The following ITGB6 variants were observed in gnomAD, a reference collection of about 807,000 sequenced individuals.
The protein encoded by ITGB6 is integrin subunit beta 6.
ITGB6 carries 80 observed loss-of-function variants against 84.5 expected under a neutral mutation model. The ratio of observed to expected loss-of-function variants is 0.95; its 90% CI spans 0.79 to 1.14. The LOEUF (loss-of-function observed/expected upper bound fraction) is 1.14. Ranked by LOEUF, ITGB6 falls within the 50% of genes most tolerant of loss-of-function variation. ITGB6 has a pLI of 0.00. For synonymous variants in ITGB6, 383 were observed against 354.9 expected, an observed-to-expected ratio of 1.08 and a Z score of -0.89; for missense variants, 1,006 against 968.0, an observed-to-expected ratio of 1.04 and a Z score of -0.52.
rs745899695 is a variant in ITGB6, at chr2:160,101,739, G to A, written c.2364C>T (p.Cys788=). 30 of 1,517,160 alleles carry A rather than the reference G, an allele frequency of 2.0e-5. No homozygotes were observed. The South Asian group carries it at 3.4e-4, about 17-fold the overall frequency. The allele number at this position is 1,517,160 out of a possible 1,614,324, so 94.0% of individuals were successfully genotyped here. Residue 788 remains cysteine, a synonymous_variant, in exon 15 of 15, where the codon TGC becomes TGT. Transcript: ENST00000283249. ...EKQKVDLSTD[C] ...TTTTTTCATGCATAAAGTAGTTCTA[G>A]CAATCTGTGGAAAGGTCTACCTTTT...
In ITGB6 at chr2:160,101,839, A is replaced by C. The variant is rs768739316; in HGVS notation, c.2269-5T>G. 1 of 736 alleles carries C rather than the reference A, an allele frequency of 1.4e-3. No homozygotes were observed. The highest frequency in any genetic ancestry group is 2.4e-3 in the Non-Finnish European group (1 of 424). The allele number at this position is 736 out of a possible 1,614,324, so 0.0% of individuals were successfully genotyped here. A position where few individuals can be genotyped will look rare whatever the true frequency, so the allele number is the denominator to read the frequency against. On this transcript the variant is annotated splice_polypyrimidine_tract_variant and splice_region_variant and intron_variant, in intron 14 of 14. Transcript: ENST00000283249. Reference sequence around the variant, plus strand: ...TCTGTAGAGTGGATTGGTTCCCTGGAAAAAAAAAAAAGATTCAAGTGAAAG... The same window carrying C: ...TCTGTAGAGTGGATTGGTTCCCTGGCAAAAAAAAAAAGATTCAAGTGAAAG...
intron 13 of ITGB6, 116 bp from the exon 14 acceptor site, chr2:160,107,961 C>T: frequency 1.2e-6 from 1 of 840,648 alleles, no homozygotes; most frequent in Non-Finnish European, 1.8e-6. Context: ...AATATTGACA[C>T]CATTTTCGCC....
chr2:160,200,144 A>G lies in ITGB6; in HGVS notation c.-81T>C. ...CAAGACCAACGCTGAATATCGTTAA[A>G]GTCTTTCTTTCTTGAAGTATAACAT... On this transcript the variant is annotated 5_prime_UTR_variant, in exon 1 of 15. Coordinates refer to ENST00000283249, the MANE Select transcript of ITGB6 (RefSeq NM_000888.5). 1 of 1,091,286 alleles carries G rather than the reference A, an allele frequency of 9.2e-7. No homozygotes were observed. The highest frequency in any genetic ancestry group is 1.9e-5 in the Admixed American group (1 of 53,382). The allele number at this position is 1,091,286 out of a possible 1,614,324, so 67.6% of individuals were successfully genotyped here.
chr2:160,132,082 A>G lies in ITGB6; in HGVS notation c.1660+5352T>C, dbSNP rs540016768. On this transcript the variant is annotated intron_variant, in intron 10 of 14. Transcript: ENST00000283249. ...GTAATTTCAAGTGTTTTGAACATGT[A>G]TTTTATTACAAGATTCCTATTAGAC... is the stretch of plus-strand genomic sequence containing the variant. Among the ~76,000 whole-genome samples, 162 of 152,214 alleles carry G rather than the reference A, an allele frequency of 1.1e-3. 1 individual carries two copies. Among genetic ancestry groups the G allele is most frequent in the African/African-American group, 3.7e-3 (153 of 41,550 alleles).
At chr2:160,134,703 C>T (rs926464827) in intron 10 of ITGB6, among the ~76,000 whole-genome samples, 2 of 152,190 alleles carry the variant, frequency 1.3e-5, no homozygotes, top group Non-Finnish European at 2.9e-5. Flanking sequence ...AAAGCTTACC[C>T]ACCATGATCA....
At chr2:160,144,302 A>G (rs1285220623) in intron 7 of ITGB6, among the ~76,000 whole-genome samples, 1 of 152,190 alleles carries the variant, frequency 6.6e-6, no homozygotes, top group East Asian at 1.9e-4. Flanking sequence ...TCCTTACCTT[A>G]CTTTGTGTCC....
At chr2:160,135,386 G>C (rs1683663666) in intron 10 of ITGB6, among the ~76,000 whole-genome samples, 1 of 150,208 alleles carries the variant, frequency 6.7e-6, no homozygotes, top group Non-Finnish European at 1.5e-5. Context: ...ACAAACCACT[G>C]CTCAATGAAA....
chr2:160,164,240 A>G (rs1315766546), intron 7 of ITGB6, among the ~76,000 whole-genome samples: 2 of 152,212 alleles, frequency 1.3e-5, no homozygotes, highest in Non-Finnish European at 2.9e-5. Flanking sequence ...TATAGTCACA[A>G]ACTTTGGCAT....
In ITGB6 at chr2:160,107,714, A is replaced by G. The variant is rs2105773862; in HGVS notation, c.2233T>C (p.Phe745Leu). ...SFHDRKEVAKFEAERSKAKWQ... is the reference protein window; with the variant it reads ...SFHDRKEVAKLEAERSKAKWQ... ...TTGGCTTTTGATCGTTCTGCTTCAA[A>G]TTTGGCAACTTCTTTACGATCATGA... Residue 745 changes from phenylalanine to leucine, a missense_variant, in exon 14 of 15, where the codon TTT becomes CTT. Coordinates refer to ENST00000283249, the MANE Select transcript of ITGB6 (RefSeq NM_000888.5). 6.2e-7 allele frequency: 1 copy of G among 1,614,086 alleles called. No individual in the cohort carries two copies. The highest frequency in any genetic ancestry group is 1.3e-5 in the African/African-American group (1 of 75,056).
intron 4 of ITGB6, among the ~76,000 whole-genome samples, chr2:160,191,591 C>T (rs1228151522): frequency 6.6e-6 from 1 of 152,206 alleles, no homozygotes; most frequent in Non-Finnish European, 1.5e-5. Context: ...CTGATCCTTT[C>T]TCCCTAAGAT....
chr2:160,182,908 G>A lies in ITGB6; in HGVS notation c.594-8769C>T, dbSNP rs144774041. Among the ~76,000 whole-genome samples, 472 of 152,232 alleles carry A rather than the reference G, an allele frequency of 3.1e-3. 3 individuals are homozygous for A. Among genetic ancestry groups the A allele is most frequent in the African/African-American group, 0.011 (448 of 41,532 alleles). On this transcript the variant is annotated intron_variant, in intron 4 of 14. Transcript: ENST00000283249. ...CGCCAAACTGAGCTTCATAAGCGAA[G>A]GAGAAATAAAATCCTTTACAGACAA...
At chr2:160,178,439 T>C (rs1685525323) in intron 4 of ITGB6, among the ~76,000 whole-genome samples, 1 of 152,208 alleles carries the variant, frequency 6.6e-6, no homozygotes, top group Admixed American at 6.5e-5. Flanking sequence ...AGCAGTCCTA[T>C]TTTTTGTGAG....
At chr2:160,111,510 T>C (rs1682512366) in intron 13 of ITGB6, among the ~76,000 whole-genome samples, 1 of 151,852 alleles carries the variant, frequency 6.6e-6, no homozygotes. Flanking sequence ...CCAGGGGCAC[T>C]CGGCATACCT....
At chr2:160,184,025 T>G (rs1213889195) in intron 4 of ITGB6, among the ~76,000 whole-genome samples, 1 of 151,976 alleles carries the variant, frequency 6.6e-6, no homozygotes, top group Admixed American at 6.6e-5. Flanking sequence ...CAGGAGAAAG[T>G]GGGAAAGATC....
intron 14 of ITGB6, among the ~76,000 whole-genome samples, chr2:160,104,436 C>T (rs2105769287): frequency 6.6e-6 from 1 of 152,306 alleles, no homozygotes; most frequent in South Asian, 2.1e-4. Flanking sequence ...AGTGTGCAAT[C>T]CACTGCTCAG....
chr2:160,174,201 T>C, intron 4 of ITGB6, 62 bp from the exon 5 acceptor site: 1 of 1,234,210 alleles, frequency 8.1e-7, no homozygotes, highest in African/African-American at 1.5e-5. Context: ...AATTAATGGA[T>C]CTAATAGCTT....
At chr2:160,147,415 A>T (rs911308089) in intron 7 of ITGB6, among the ~76,000 whole-genome samples, 1 of 152,348 alleles carries the variant, frequency 6.6e-6, no homozygotes, top group Non-Finnish European at 1.5e-5. Context: ...TAATAATTTC[A>T]TTTATAGATT....
intron 10 of ITGB6, among the ~76,000 whole-genome samples, chr2:160,128,740 A>T (rs926334337): frequency 6.6e-6 from 1 of 152,240 alleles, no homozygotes; most frequent in East Asian, 1.9e-4. Flanking sequence ...CTTTTCACTG[A>T]ACTGGAATGG....
At chr2:160,119,025 C>G (rs959727083) in intron 12 of ITGB6, among the ~76,000 whole-genome samples, 9 of 152,016 alleles carry the variant, frequency 5.9e-5, no homozygotes, top group East Asian at 1.9e-4. Context: ...AGGATACAAA[C>G]AAATGGAAGA....
Sources: gnomAD v4.1 joint callset for allele counts (sites outside exome capture counted in the v4.1 genomes callset) on GRCh38, gnomAD v4.1.1 for gene constraint, MANE v1.5 for transcripts, NCBI Gene and HGNC (gene_info 2026-07-23, HGNC 2026-07-21) for gene names.